L3MBTL4: variants seen among roughly 807,000 people sequenced by gnomAD.
L3MBTL4 encodes L3MBTL histone methyl-lysine binding protein 4, also known as lethal(3)malignant brain tumor-like protein 4.
Under a neutral mutation model 84.5 loss-of-function variants are expected in L3MBTL4, and 70 were observed. The ratio of observed to expected loss-of-function variants is 0.83; its 90% CI spans 0.68 to 1.01. The LOEUF (loss-of-function observed/expected upper bound fraction) is 1.01, where lower values mean the gene tolerates loss of function less well. Among genes scored for constraint, L3MBTL4 ranks in the 50% least tolerant of loss-of-function variants. The pLI, the probability that L3MBTL4 is intolerant of heterozygous loss-of-function variation, is 0.00. For synonymous variants in L3MBTL4, 274 were observed against 259.8 expected, an observed-to-expected ratio of 1.05 and a Z score of -0.52; for missense variants, 715 against 754.8, an observed-to-expected ratio of 0.95 and a Z score of 0.62.
intron 16 of L3MBTL4, among the ~76,000 whole-genome samples, chr18:5,975,635 G>A (rs1355668297): frequency 6.6e-6 from 1 of 152,208 alleles, no homozygotes; most frequent in Non-Finnish European, 1.5e-5. Context: ...TTCTTCTCTT[G>A]ATTTTGATGC....
At chr18:6,322,105 C>T (rs1176732591) in intron 1 of L3MBTL4, among the ~76,000 whole-genome samples, 2 of 151,356 alleles carry the variant, frequency 1.3e-5, no homozygotes, top group African/African-American at 4.9e-5. Flanking sequence ...ATCTGTAATA[C>T]TAGAACTTTG....
chr18:6,011,568 C>A (rs907545294), intron 16 of L3MBTL4, among the ~76,000 whole-genome samples: 1 of 152,152 alleles, frequency 6.6e-6, no homozygotes, highest in African/African-American at 2.4e-5. Context: ...AGGCTTTTTA[C>A]TTCTCTCTCA....
chr18:5,972,613 G>A (rs1011819727), intron 16 of L3MBTL4, among the ~76,000 whole-genome samples: 7 of 152,098 alleles, frequency 4.6e-5, no homozygotes, highest in Non-Finnish European at 7.4e-5. Flanking sequence ...GGAGTGTTTC[G>A]CGGGGGCTGT....
At chr18:6,354,016 T>C (rs2053322651) in intron 1 of L3MBTL4, among the ~76,000 whole-genome samples, 1 of 152,140 alleles carries the variant, frequency 6.6e-6, no homozygotes. Flanking sequence ...GGAATCATGT[T>C]ACCTGACTGC....
At chr18:6,195,471 C>T (rs780562431) in intron 12 of L3MBTL4, among the ~76,000 whole-genome samples, 1 of 152,122 alleles carries the variant, frequency 6.6e-6, no homozygotes, top group Non-Finnish European at 1.5e-5. Context: ...GTGTGTGGCT[C>T]GCGGAAGCTG....
intron 12 of L3MBTL4, among the ~76,000 whole-genome samples, chr18:6,179,236 T>C (rs1568265845): frequency 1.3e-5 from 2 of 152,232 alleles, no homozygotes; most frequent in Non-Finnish European, 2.9e-5. Context: ...CAAATCTATT[T>C]TACATGCTTA....
chr18:6,328,851 C>T (rs2051864709), intron 1 of L3MBTL4, among the ~76,000 whole-genome samples: 1 of 152,188 alleles, frequency 6.6e-6, no homozygotes, highest in Non-Finnish European at 1.5e-5. Flanking sequence ...AAATCACAGC[C>T]TCATGAAGCC....
intron 16 of L3MBTL4, among the ~76,000 whole-genome samples, chr18:5,993,598 C>G (rs1312030249): frequency 6.6e-6 from 1 of 151,718 alleles, no homozygotes; most frequent in Non-Finnish European, 1.5e-5. Flanking sequence ...TTAATTTACA[C>G]CAAATGACTT....
chr18:6,038,055 T>A (rs1409059101), intron 16 of L3MBTL4, among the ~76,000 whole-genome samples: 1 of 152,064 alleles, frequency 6.6e-6, no homozygotes, highest in Non-Finnish European at 1.5e-5. Context: ...GATAAGTGGA[T>A]AAAAAAGGAG....
At chr18:6,373,538 G>C (rs1177733869) in intron 1 of L3MBTL4, among the ~76,000 whole-genome samples, 1 of 152,126 alleles carries the variant, frequency 6.6e-6, no homozygotes, top group Non-Finnish European at 1.5e-5. Flanking sequence ...TACACACAGT[G>C]AGATCTTAGA....
At chr18:6,387,475 A>C (rs1220641226) in intron 1 of L3MBTL4, among the ~76,000 whole-genome samples, 3 of 152,176 alleles carry the variant, frequency 2.0e-5, no homozygotes. Flanking sequence ...ATATCTACAC[A>C]AAAGTGCATT....
chr18:6,114,562 A>T (rs1410469838), intron 14 of L3MBTL4, among the ~76,000 whole-genome samples: 4 of 152,234 alleles, frequency 2.6e-5, no homozygotes, highest in Non-Finnish European at 5.9e-5. Flanking sequence ...TGCCTTGGAC[A>T]CAGCAATATT....
chr18:6,144,747 A>T (rs2042576788), intron 13 of L3MBTL4, among the ~76,000 whole-genome samples: 1 of 152,216 alleles, frequency 6.6e-6, no homozygotes, highest in African/African-American at 2.4e-5. Context: ...CACCGTAAAG[A>T]CAAATGCTTT....
intron 1 of L3MBTL4, among the ~76,000 whole-genome samples, chr18:6,361,608 G>A (rs530603716): frequency 1.3e-4 from 20 of 152,130 alleles, no homozygotes; most frequent in Non-Finnish European, 2.8e-4. Context: ...TTCCTCATGT[G>A]GAAATGGAGG....
At chr18:6,210,650 A>C (rs574535108) in intron 12 of L3MBTL4, among the ~76,000 whole-genome samples, 2 of 152,216 alleles carry the variant, frequency 1.3e-5, no homozygotes, top group Non-Finnish European at 2.9e-5. Flanking sequence ...ACAAAGACTA[A>C]GTGCCATGAC....
At chr18:6,220,022 AGACC>A (rs2046484481) in intron 10 of L3MBTL4, among the ~76,000 whole-genome samples, 1 of 152,126 alleles carries the variant, frequency 6.6e-6, no homozygotes, top group South Asian at 2.1e-4. Flanking sequence ...GAACATAACG[AGACC>A]TCACCTCTAT....
chr18:6,384,845 G>A (rs1220651382), intron 1 of L3MBTL4, among the ~76,000 whole-genome samples: 3 of 152,166 alleles, frequency 2.0e-5, no homozygotes, highest in Non-Finnish European at 4.4e-5. Context: ...TCTGTGGAGA[G>A]GCTCACCTGG....
intron 1 of L3MBTL4, among the ~76,000 whole-genome samples, chr18:6,370,629 T>C (rs1343534679): frequency 2.0e-5 from 3 of 152,000 alleles, no homozygotes; most frequent in African/African-American, 7.3e-5. Context: ...CCAAAAGAGA[T>C]GAAGTCACCT....
At chr18:6,271,135 T>C (rs1260204805) in intron 4 of L3MBTL4, among the ~76,000 whole-genome samples, 1 of 152,176 alleles carries the variant, frequency 6.6e-6, no homozygotes, top group African/African-American at 2.4e-5. Context: ...TTGTTTTTCG[T>C]TTGTTTTTGT....
Sources: allele counts gnomAD v4.1 joint callset (sites outside exome capture counted in the v4.1 genomes callset), GRCh38; gene constraint gnomAD v4.1.1; transcripts MANE v1.5; gene names NCBI Gene and HGNC (gene_info 2026-07-23, HGNC 2026-07-21).